TPH2: variants seen among roughly 807,000 people sequenced by gnomAD.
TPH2 encodes tryptophan 5-hydroxylase 2.
Under a neutral mutation model 59.1 loss-of-function variants are expected in TPH2, and 27 were observed. That is an observed-to-expected ratio of 0.46 (90% CI 0.34 to 0.63). TPH2 has a LOEUF of 0.63. TPH2 is among the 30% of genes least tolerant of loss of function. The pLI is 0.01. For synonymous variants in TPH2, 220 were observed against 210.5 expected, an observed-to-expected ratio of 1.05 and a Z score of -0.39; for missense variants, 523 against 588.3, an observed-to-expected ratio of 0.89 and a Z score of 1.15.
intron 8 of TPH2, among the ~76,000 whole-genome samples, chr12:72,015,225 T>G (rs1207120456): frequency 1.3e-5 from 2 of 151,090 alleles, no homozygotes; most frequent in Admixed American, 1.3e-4. Flanking sequence ...AGTTGTCTTC[T>G]CAAAAACTAG....
At chr12:71,986,645 T>TTTC (rs1872446021) in intron 7 of TPH2, among the ~76,000 whole-genome samples, 1 of 151,006 alleles carries the variant, frequency 6.6e-6, no homozygotes, top group Admixed American at 6.6e-5. Context: ...TTTTTTTTTT[T>TTTC]TTTAGCAGAT....
intron 1 of TPH2, 45 bp from the exon 2 acceptor site, chr12:71,941,539 A>T: frequency 6.3e-7 from 1 of 1,595,302 alleles, no homozygotes. Flanking sequence ...GGATTCTGGA[A>T]CCCTAACTAA....
rs1417362577 is a variant in TPH2 at position 72,018,491 on chromosome 12, C to T, written c.1069-3908C>T. On this transcript the variant is annotated intron_variant, in intron 8 of 10. Coordinates refer to ENST00000333850, the MANE Select transcript of TPH2 (RefSeq NM_173353.4). ...CAGATTTTTTCAGAGGCTCTCTTAGCGTGTTTTGGTTCAGATCATAAATGT... is the reference window on the plus strand; with the variant it reads ...CAGATTTTTTCAGAGGCTCTCTTAGTGTGTTTTGGTTCAGATCATAAATGT... Among the ~76,000 whole-genome samples, 7 of 152,100 alleles carry T rather than the reference C, an allele frequency of 4.6e-5. No homozygotes were observed. The South Asian group carries it at 1.0e-3, about 23-fold the overall frequency.
intron 6 of TPH2, among the ~76,000 whole-genome samples, chr12:71,978,525 T>C (rs1305941011): frequency 6.6e-6 from 1 of 152,182 alleles, no homozygotes; most frequent in Non-Finnish European, 1.5e-5. Flanking sequence ...GATTTGAAGA[T>C]GCTAGTGAAG....
At chr12:71,979,969 GACA>G (rs1872229430) in intron 7 of TPH2, among the ~76,000 whole-genome samples, 1 of 152,172 alleles carries the variant, frequency 6.6e-6, no homozygotes, top group Non-Finnish European at 1.5e-5. Context: ...CAGACAGACA[GACA>G]GACAGGGAAT....
chr12:71,950,946 G>T (rs1165092425), intron 5 of TPH2, among the ~76,000 whole-genome samples: 1 of 152,030 alleles, frequency 6.6e-6, no homozygotes, highest in African/African-American at 2.4e-5. Context: ...CAAGTCCCAG[G>T]CATCCTTCGT....
At chr12:71,960,549 A>C (rs185148150) in intron 5 of TPH2, among the ~76,000 whole-genome samples, 2 of 152,334 alleles carry the variant, frequency 1.3e-5, no homozygotes, top group East Asian at 3.9e-4. Context: ...GAGAGTTGCA[A>C]AGAAAGACAA....
intron 8 of TPH2, among the ~76,000 whole-genome samples, chr12:72,013,724 T>C (rs1873161920): frequency 6.6e-6 from 1 of 152,220 alleles, no homozygotes; most frequent in Non-Finnish European, 1.5e-5. Flanking sequence ...AGAGACCATC[T>C]CTTTAGCTAC....
At chr12:72,017,054 A>T (rs1190753358) in intron 8 of TPH2, among the ~76,000 whole-genome samples, 1 of 152,200 alleles carries the variant, frequency 6.6e-6, no homozygotes, top group Non-Finnish European at 1.5e-5. Context: ...TTGTGACCTT[A>T]GCAAGAACTT....
chr12:72,007,094 G>A (rs572898990), intron 8 of TPH2, among the ~76,000 whole-genome samples: 37 of 152,272 alleles, frequency 2.4e-4, no homozygotes, highest in African/African-American at 8.4e-4. Flanking sequence ...TGCAGACTAT[G>A]CAGTTTATAT....
At chr12:71,972,495 T>C in intron 5 of TPH2, 24 bp from the exon 6 acceptor site, 1 of 1,611,928 alleles carries the variant, frequency 6.2e-7, no homozygotes, top group Non-Finnish European at 8.5e-7. Flanking sequence ...GTTAGATTCA[T>C]TTAGTTTCTT....
chr12:72,002,861 G>T (rs925362702), intron 8 of TPH2, among the ~76,000 whole-genome samples: 1 of 151,642 alleles, frequency 6.6e-6, no homozygotes, highest in Non-Finnish European at 1.5e-5. Flanking sequence ...CCAAGTAAAA[G>T]AATTTGCATT....
At chr12:72,017,157 C>A (rs1873276474) in intron 8 of TPH2, among the ~76,000 whole-genome samples, 1 of 152,188 alleles carries the variant, frequency 6.6e-6, no homozygotes, top group Non-Finnish European at 1.5e-5. Flanking sequence ...TGGTGTGATT[C>A]TGTGTCTGTG....
At chr12:71,959,799 G>T (rs898403641) in intron 5 of TPH2, among the ~76,000 whole-genome samples, 1 of 147,716 alleles carries the variant, frequency 6.8e-6, no homozygotes, top group African/African-American at 2.7e-5. Flanking sequence ...AAACTTAATT[G>T]GGGGGGGCGT....
intron 5 of TPH2, chr12:71,962,112 C>T (rs544941069): frequency 1.6e-5 from 16 of 992,722 alleles, no homozygotes; most frequent in African/African-American, 1.7e-5. Context: ...TACTCTATGG[C>T]GTGGCTTAGC....
intron 5 of TPH2, among the ~76,000 whole-genome samples, chr12:71,966,652 C>T (rs1486848859): frequency 1.3e-5 from 2 of 152,168 alleles, no homozygotes; most frequent in African/African-American, 2.4e-5. Context: ...TTCACCCATT[C>T]CCTTACCCAA....
At chr12:72,026,737 A>G (rs1873578567) in intron 9 of TPH2, among the ~76,000 whole-genome samples, 1 of 152,140 alleles carries the variant, frequency 6.6e-6, no homozygotes, top group Non-Finnish European at 1.5e-5. Context: ...TTGCTTGAAG[A>G]TGGAGGTTGT....
chr12:72,009,912 G>T (rs1269347706), intron 8 of TPH2, among the ~76,000 whole-genome samples: 2 of 152,206 alleles, frequency 1.3e-5, no homozygotes, highest in Non-Finnish European at 2.9e-5. Flanking sequence ...CACAGTCTTT[G>T]GGGGTTAGGC....
At chr12:71,996,011 A>G (rs958771080) in intron 8 of TPH2, among the ~76,000 whole-genome samples, 2 of 152,238 alleles carry the variant, frequency 1.3e-5, no homozygotes, top group East Asian at 1.9e-4. Context: ...AAAACAACAA[A>G]CATCTATTAT....
Sources: allele counts gnomAD v4.1 joint callset (sites outside exome capture counted in the v4.1 genomes callset), GRCh38; gene constraint gnomAD v4.1.1; transcripts MANE v1.5; gene names NCBI Gene and HGNC (gene_info 2026-07-23, HGNC 2026-07-21).